DNAH11: variants seen among roughly 807,000 people sequenced by gnomAD.
The protein encoded by DNAH11 is axonemal beta dynein heavy chain 11.
DNAH11 carries 442 observed loss-of-function variants against 526.0 expected under a neutral mutation model. The observed-to-expected ratio is 0.84, with a 90% confidence interval of 0.78 to 0.91. The LOEUF is 0.91. Ranked by LOEUF, DNAH11 falls within the 40% of genes least tolerant of loss-of-function variation. The pLI is 0.00. For synonymous variants in DNAH11, 2,461 were observed against 1,935.9 expected (o/e 1.27, Z -7.12); for missense variants, 6,989 against 5,448.7 (o/e 1.28, Z -8.90).
intron 39 of DNAH11, among the ~76,000 whole-genome samples, chr7:21,706,933 G>C (rs1015596595): frequency 1.3e-5 from 2 of 152,334 alleles, no homozygotes; most frequent in Admixed American, 1.3e-4. Context: ...CTGAGCACCT[G>C]TTCTGTGAGT....
intron 30 of DNAH11, among the ~76,000 whole-genome samples, chr7:21,680,410 G>C (rs1412644330): frequency 6.6e-6 from 1 of 152,170 alleles, no homozygotes; most frequent in African/African-American, 2.4e-5. Context: ...AATAAGGCTT[G>C]AGTAAGGCAG....
chr7:21,803,051 T>C (rs1431102828), intron 62 of DNAH11, among the ~76,000 whole-genome samples: 6 of 151,966 alleles, frequency 3.9e-5, no homozygotes, highest in Admixed American at 3.9e-4. Flanking sequence ...TTTTAAAGTA[T>C]AAAGTCTGTA....
At chr7:21,846,315 C>T (rs1214100581) in intron 66 of DNAH11, among the ~76,000 whole-genome samples, 1 of 152,172 alleles carries the variant, frequency 6.6e-6, no homozygotes, top group Non-Finnish European at 1.5e-5. Flanking sequence ...AGGGCAAAAG[C>T]ATCTAGCTTC....
chr7:21,660,532 T>C (rs1782198968), intron 30 of DNAH11, among the ~76,000 whole-genome samples: 4 of 151,910 alleles, frequency 2.6e-5, no homozygotes, highest in Admixed American at 2.6e-4. Flanking sequence ...TGTTATTTTT[T>C]GCTGTTAAAG....
intron 2 of DNAH11, among the ~76,000 whole-genome samples, chr7:21,556,427 A>T (rs184923902): frequency 3.9e-5 from 6 of 152,360 alleles, no homozygotes; most frequent in Admixed American, 3.9e-4. Flanking sequence ...TTTGAGCCTG[A>T]CTTTTAGAAA....
intron 41 of DNAH11, 103 bp downstream of exon 41, chr7:21,710,806 G>T: frequency 1.5e-5 from 17 of 1,126,554 alleles, no homozygotes; most frequent in South Asian, 2.0e-5. Flanking sequence ...CATTAACCTG[G>T]GATTCTTTAT....
chr7:21,839,425 A>T (rs1460062731), intron 65 of DNAH11, among the ~76,000 whole-genome samples: 1 of 151,972 alleles, frequency 6.6e-6, no homozygotes, highest in Non-Finnish European at 1.5e-5. Context: ...AATACAAAAA[A>T]TTAGCTGGGT....
intron 73 of DNAH11, among the ~76,000 whole-genome samples, chr7:21,870,600 G>T (rs892335375): frequency 1.3e-5 from 2 of 152,150 alleles, no homozygotes; most frequent in Non-Finnish European, 2.9e-5. Flanking sequence ...GCTCAGACTG[G>T]AGAGAACACT....
At chr7:21,763,690 A>G (rs1281768021) in intron 54 of DNAH11, among the ~76,000 whole-genome samples, 1 of 149,504 alleles carries the variant, frequency 6.7e-6, no homozygotes, top group East Asian at 2.0e-4. Context: ...GATCTTGAAG[A>G]GATATCTACA....
At chr7:21,598,132 G>A (rs1784934835) in intron 14 of DNAH11, among the ~76,000 whole-genome samples, 1 of 152,154 alleles carries the variant, frequency 6.6e-6, no homozygotes, top group South Asian at 2.1e-4. Context: ...TATATCCATA[G>A]TAAAGAATAA....
intron 2 of DNAH11, among the ~76,000 whole-genome samples, chr7:21,557,387 A>G (rs1783260163): frequency 6.6e-6 from 1 of 152,102 alleles, no homozygotes; most frequent in African/African-American, 2.4e-5. Context: ...CTGGACATTT[A>G]TTTCTCACAG....
At chr7:21,865,948 A>G (rs1259725448) in intron 70 of DNAH11, among the ~76,000 whole-genome samples, 1 of 152,212 alleles carries the variant, frequency 6.6e-6, no homozygotes, top group Non-Finnish European at 1.5e-5. Flanking sequence ...GCACTGGTGC[A>G]GTGTAGCAGT....
chr7:21,854,763 G>T (rs866010093), intron 68 of DNAH11, among the ~76,000 whole-genome samples: 6 of 151,826 alleles, frequency 4.0e-5, no homozygotes, highest in African/African-American at 1.4e-4. Context: ...GGCTGGTCTC[G>T]AACTCCTGAC....
At chr7:21,750,408 A>G (rs1432476310) in intron 54 of DNAH11, 44 bp downstream of exon 54, 1 of 1,561,262 alleles carries the variant, frequency 6.4e-7, no homozygotes, top group South Asian at 1.2e-5. Context: ...AAAACCTGCT[A>G]TTGCAACTCT....
chr7:21,743,178 G>A (rs1400390192), intron 49 of DNAH11, among the ~76,000 whole-genome samples: 1 of 152,258 alleles, frequency 6.6e-6, no homozygotes, highest in Non-Finnish European at 1.5e-5. Flanking sequence ...GGAAGCAAAG[G>A]TAGATGTCTG....
chr7:21,702,280 T>C (rs1254521714), intron 36 of DNAH11, among the ~76,000 whole-genome samples: 5 of 152,146 alleles, frequency 3.3e-5, no homozygotes, highest in African/African-American at 1.2e-4. Context: ...GGTGGAGTAA[T>C]TGGGGCCATT....
At chr7:21,681,699 T>C (rs541115648) in intron 31 of DNAH11, 22 bp downstream of exon 31, 5 of 1,613,608 alleles carry the variant, frequency 3.1e-6, no homozygotes, top group South Asian at 1.1e-5. Flanking sequence ...GTAGAAATTT[T>C]ATGTATTCAT....
In DNAH11 at chr7:21,873,377, C is replaced by T. The variant is rs1335413725; in HGVS notation, c.12071C>T (p.Ser4024Phe). ...TACAGGGTTTTCATGAGTGCTGAGT[C>T]TGCACCTACACCAGATGAGCATATC... ...RDYRVFMSAESAPTPDEHIIP... is the reference protein window; with the variant it reads ...RDYRVFMSAEFAPTPDEHIIP... The change falls in exon 74 of 82, where the codon TCT becomes TTT. Residue 4024 changes from serine to phenylalanine, a missense_variant. By Grantham distance (155) the Ser-to-Phe change is radical. Transcript: ENST00000409508. 1.2e-6 allele frequency: 2 copies of T among 1,613,952 alleles called. No individual in the cohort carries two copies. The highest frequency in any genetic ancestry group is 4.5e-5 in the East Asian group (2 of 44,880).
intron 30 of DNAH11, among the ~76,000 whole-genome samples, chr7:21,672,778 C>T (rs374667850): frequency 1.6e-4 from 24 of 152,286 alleles, no homozygotes; most frequent in African/African-American, 5.1e-4. Context: ...TTTAAATTCA[C>T]GGTATGGCCT....
Sources: gnomAD v4.1 joint callset for allele counts (sites outside exome capture counted in the v4.1 genomes callset) on GRCh38, gnomAD v4.1.1 for gene constraint, MANE v1.5 for transcripts, NCBI Gene and HGNC (gene_info 2026-07-23, HGNC 2026-07-21) for gene names.